Variants in PDGFA observed in about 807,000 individuals in gnomAD.
PDGFA encodes platelet-derived growth factor subunit A.
Under a neutral mutation model 25.6 loss-of-function variants are expected in PDGFA, and 9 were observed. The ratio of observed to expected loss-of-function variants is 0.35; its 90% CI spans 0.21 to 0.61. The LOEUF is 0.61. PDGFA is among the 20% of genes least tolerant of loss of function. PDGFA has a pLI of 0.75. For synonymous variants in PDGFA, 133 were observed against 111.8 expected, an observed-to-expected ratio of 1.19 and a Z score of -1.20; for missense variants, 242 against 272.8, an observed-to-expected ratio of 0.89 and a Z score of 0.79.
At chr7:512,811 G>A in intron 2 of PDGFA, 1 of 464,482 alleles carries the variant, frequency 2.2e-6, no homozygotes, top group Non-Finnish European at 3.6e-6. Flanking sequence ...GCTGCCCCGG[G>A]GCAGGAGGGG....
At chr7:520,153 G>T, upstream of PDGFA, 1 of 303,920 alleles carries the variant, frequency 3.3e-6, no homozygotes. Flanking sequence ...CACCGGGTGG[G>T]GAGGGAGGAG....
chr7:520,167 G>C (rs1783310350), upstream of PDGFA: 2 of 265,100 alleles, frequency 7.5e-6, no homozygotes, highest in South Asian at 5.9e-5. Flanking sequence ...GGAGGAGGCC[G>C]CCGCAGAAGC....
Position 500,778 on chromosome 7 carries a change from C to A in PDGFA, c.580+338G>T. On this transcript the variant is annotated intron_variant, in intron 5 of 5. Coordinates refer to ENST00000402802, the Ensembl canonical transcript of PDGFA. The surrounding 1 kb of genome is among the most constrained non-coding windows in gnomAD (Gnocchi z 5.0). ...CCTCGAACCTGCTCCTCCCGCCCACCCTGGCAGGAGGCCCTTCTGCAGATT... is the reference window on the plus strand; with the variant it reads ...CCTCGAACCTGCTCCTCCCGCCCACACTGGCAGGAGGCCCTTCTGCAGATT... 6.9e-7 allele frequency: 1 copy of A among 1,442,640 alleles called. No individual in the cohort carries two copies. The highest frequency in any genetic ancestry group is 9.1e-7 in the Non-Finnish European group (1 of 1,099,732). 89.4% of individuals were successfully genotyped at this position (1,442,640 alleles called of 1,614,324 possible).
chr7:519,026 G>GGAGGA, exon 1 of PDGFA: 1 of 1,516,030 alleles, frequency 6.6e-7, no homozygotes, highest in Non-Finnish European at 8.8e-7. Context: ...CTGGCTGCTC[G>GGAGGA]GAGGAGAGGC....
intron 2 of PDGFA, among the ~76,000 whole-genome samples, chr7:516,004 C>CA (rs1161325779): frequency 4.2e-5 from 5 of 119,392 alleles, no homozygotes; most frequent in Non-Finnish European, 8.6e-5. Flanking sequence ...TAGCACCCCC[C>CA]CCCAGAAAAA....
exon 6 of PDGFA, chr7:497,959 CAAAAAAAAAAA>C (rs1166606050): frequency 3.0e-4 from 17 of 56,688 alleles, no homozygotes; most frequent in African/African-American, 1.2e-3. Context: ...AAAAAAAAAA[CAAAAAAAAAAA>C]AAACAAAACA....
At chr7:499,602 G>C (rs1427479541) in intron 5 of PDGFA, among the ~76,000 whole-genome samples, 1 of 151,776 alleles carries the variant, frequency 6.6e-6, no homozygotes, top group South Asian at 2.1e-4. Flanking sequence ...GAAGCGACAT[G>C]TCTTGCTAGG....
chr7:498,557 C>T (rs772259139), exon 6 of PDGFA: 70 of 1,609,240 alleles, frequency 4.3e-5, no homozygotes, highest in Non-Finnish European at 5.8e-5. Context: ...AGGGCTGCGG[C>T]TCATCCTCAC....
At chr7:511,501 G>A (rs2128401331) in intron 3 of PDGFA, among the ~76,000 whole-genome samples, 1 of 152,202 alleles carries the variant, frequency 6.6e-6, no homozygotes, top group South Asian at 2.1e-4. Context: ...TCTGAAGGGT[G>A]CAAAATGCAG....
intron 2 of PDGFA, chr7:512,784 A>C: frequency 1.5e-6 from 1 of 684,344 alleles, no homozygotes; most frequent in Non-Finnish European, 2.1e-6. Context: ...GCCTCCTCCA[A>C]GGTAGCCCAG....
intron 3 of PDGFA, 142 bp from the exon 4 acceptor site, chr7:511,138 G>C (rs951279078): frequency 6.9e-5 from 47 of 678,406 alleles, no homozygotes; most frequent in Admixed American, 2.3e-4. Context: ...CAGAGGCTGA[G>C]CTGGGAGCAG....
intron 5 of PDGFA, among the ~76,000 whole-genome samples, chr7:499,575 G>T (rs947616746): frequency 6.6e-6 from 1 of 152,194 alleles, no homozygotes; most frequent in Non-Finnish European, 1.5e-5. Flanking sequence ...GGCTGCCCAG[G>T]TCCCACCTCC....
intron 4 of PDGFA, among the ~76,000 whole-genome samples, chr7:509,051 T>C (rs1782688970): frequency 6.6e-6 from 1 of 152,154 alleles, no homozygotes; most frequent in Non-Finnish European, 1.5e-5. Context: ...CCTGCAGGTC[T>C]CTGGGCACAC....
chr7:502,470 C>T (rs557549280), intron 4 of PDGFA, among the ~76,000 whole-genome samples: 2 of 148,684 alleles, frequency 1.3e-5, no homozygotes, highest in South Asian at 4.3e-4. Flanking sequence ...GAAACCAGGG[C>T]CAGGGATCCT....
exon 1 of PDGFA, chr7:519,298 T>G: frequency 3.1e-6 from 1 of 323,744 alleles, no homozygotes; most frequent in Non-Finnish European, 5.7e-6. Context: ...GGGGCTGGGC[T>G]TCTTCCTCGG....
At chr7:504,804 A>T (rs1173724549) in intron 4 of PDGFA, among the ~76,000 whole-genome samples, 2 of 152,210 alleles carry the variant, frequency 1.3e-5, no homozygotes, top group Non-Finnish European at 2.9e-5. Flanking sequence ...CTGGCTCGGC[A>T]GAGACCGCAG....
chr7:519,678 G>A (rs894480099), upstream of PDGFA, among the ~76,000 whole-genome samples: 7 of 145,438 alleles, frequency 4.8e-5, no homozygotes, highest in Admixed American at 4.8e-4. Context: ...GAGCCGCCTG[G>A]CAGCCACCAC....
Position 517,568 on chromosome 7 carries a change from C to G in PDGFA, c.64-78G>C. On this transcript the variant is annotated intron_variant, in intron 1 of 5. Transcript: ENST00000402802. The surrounding 1 kb of genome is among the most constrained non-coding windows in gnomAD (Gnocchi z 7.4). Reference sequence around the variant, plus strand: ...GCGCCCCCGGCCGCCAGGAGCGCCGCCGCCCCGGGCCCGAGGAGACCCCGC... The same window carrying G: ...GCGCCCCCGGCCGCCAGGAGCGCCGGCGCCCCGGGCCCGAGGAGACCCCGC... The G allele has an allele frequency of 2.2e-6, 1 of 459,532 alleles. No individual in the cohort carries two copies. Among genetic ancestry groups the G allele is most frequent in the Non-Finnish European group, 2.9e-6 (1 of 342,902 alleles). 28.5% of individuals were successfully genotyped at this position (459,532 alleles called of 1,614,324 possible). A position where few individuals can be genotyped will look rare whatever the true frequency, so the allele number is the denominator to read the frequency against.
intron 2 of PDGFA, among the ~76,000 whole-genome samples, chr7:516,873 CCA>C (rs1156728832): frequency 6.6e-6 from 1 of 152,216 alleles, no homozygotes; most frequent in African/African-American, 2.4e-5. Flanking sequence ...GCTTCTGCAG[CCA>C]CAGAGGCCCA....
Sources: allele counts gnomAD v4.1 joint callset (sites outside exome capture counted in the v4.1 genomes callset), GRCh38; gene constraint gnomAD v4.1.1; non-coding constraint Gnocchi (gnomAD v3.1); transcripts MANE v1.5; gene names NCBI Gene and HGNC (gene_info 2026-07-23, HGNC 2026-07-21).